CYP3A43: variants seen among roughly 807,000 people sequenced by gnomAD.
The protein encoded by CYP3A43 is cytochrome P450 family 3 subfamily A member 43.
In CYP3A43, 45 loss-of-function variants were observed where a neutral mutation model predicts 58.0. That is an observed-to-expected ratio of 0.78 (90% CI 0.61 to 0.99). CYP3A43 has a LOEUF of 0.99. Ranked by LOEUF, CYP3A43 falls within the 50% of genes least tolerant of loss-of-function variation. The probability of loss-of-function intolerance (pLI) is 0.00; values close to 1 mark genes in which losing one functional copy is unlikely to be tolerated. For missense variants in CYP3A43, 593 were observed against 591.9 expected (o/e 1.00, Z -0.02); for synonymous variants, 191 against 201.4 (o/e 0.95, Z 0.44).
At chr7:99,854,886 C>CT (rs922992515) in intron 7 of CYP3A43, among the ~76,000 whole-genome samples, 55 of 147,774 alleles carry the variant, frequency 3.7e-4, no homozygotes, top group African/African-American at 7.2e-4. Flanking sequence ...CTCTCTCTCT[C>CT]TTTTTTTTTT....
intron 1 of CYP3A43, among the ~76,000 whole-genome samples, chr7:99,831,153 C>CTA: frequency 6.6e-6 from 1 of 152,332 alleles, no homozygotes; most frequent in Middle Eastern, 3.4e-3. Flanking sequence ...GGGAACCAAG[C>CTA]TAACAGCTGG....
intron 12 of CYP3A43, among the ~76,000 whole-genome samples, chr7:99,863,995 TGAG>T (rs927696429): frequency 6.7e-6 from 1 of 148,666 alleles, no homozygotes; most frequent in Non-Finnish European, 1.5e-5. Context: ...ACTGTAAAGA[TGAG>T]GAAGTCTTTT....
At chr7:99,838,869 A>G (rs750214466) in intron 2 of CYP3A43, 155 of 544,624 alleles carry the variant, frequency 2.8e-4, no homozygotes, top group Non-Finnish European at 3.6e-4. Context: ...AATCCCAGCT[A>G]CTTGGGAGGC....
At chr7:99,829,443 A>G (rs1372987516) in intron 1 of CYP3A43, among the ~76,000 whole-genome samples, 1 of 152,194 alleles carries the variant, frequency 6.6e-6, no homozygotes, top group Admixed American at 6.5e-5. Flanking sequence ...TTTAAGAAAT[A>G]CATTGGTTTG....
At chr7:99,832,855 G>A (rs1816904615) in intron 1 of CYP3A43, among the ~76,000 whole-genome samples, 1 of 152,088 alleles carries the variant, frequency 6.6e-6, no homozygotes, top group South Asian at 2.1e-4. Context: ...CCCAGCCATG[G>A]AGAACTGTGA....
chr7:99,863,372 A>T (rs1329283638), intron 11 of CYP3A43, among the ~76,000 whole-genome samples, 165 bp from the exon 12 acceptor site: 1 of 152,222 alleles, frequency 6.6e-6, no homozygotes, highest in African/African-American at 2.4e-5. Context: ...TAACCTTCAA[A>T]AATTGTATAG....
rs1817584643 is a variant in CYP3A43, at chr7:99,847,589, A to G, written c.420A>G (p.Val140=). The G allele has an allele frequency of 1.2e-6, 2 of 1,613,816 alleles. No individual in the cohort carries two copies. Among genetic ancestry groups the G allele is most frequent in the Non-Finnish European group, 8.5e-7 (1 of 1,179,892 alleles). ...RTLLSPAFTS[V]KFKEMVPIIS... ...TGCTATCTCCAGCTTTCACCAGTGT[A>G]AAATTCAAGGAAGTAAGAAAATAAG... The change falls in exon 5 of 13, where the codon GTA becomes GTG. Residue 140 remains valine (V), a synonymous_variant. Transcript: ENST00000354829.
intron 9 of CYP3A43, 128 bp downstream of exon 9, chr7:99,857,027 G>T: frequency 1.7e-6 from 2 of 1,155,158 alleles, no homozygotes; most frequent in South Asian, 3.1e-5. Context: ...GCACACATTT[G>T]GATGTTATAA....
intron 3 of CYP3A43, 44 bp downstream of exon 3, chr7:99,839,216 C>T (rs1713403698): frequency 6.2e-7 from 1 of 1,608,098 alleles, no homozygotes; most frequent in African/African-American, 1.3e-5. Context: ...TGTTGCTATG[C>T]TGAGTTATTT....
chr7:99,861,543 G>C, intron 10 of CYP3A43, 70 bp from the exon 11 acceptor site: 1 of 1,338,362 alleles, frequency 7.5e-7, no homozygotes, highest in Non-Finnish European at 1.1e-6. Context: ...CACTTCAATA[G>C]TACTGCATGG....
intron 7 of CYP3A43, among the ~76,000 whole-genome samples, chr7:99,853,880 C>T (rs1164642182): frequency 6.9e-6 from 1 of 145,146 alleles, no homozygotes. Flanking sequence ...TTATTTTTAA[C>T]TTTTGTGGAT....
At chr7:99,863,498 G>A (rs1818322531) in intron 11 of CYP3A43, 39 bp from the exon 12 acceptor site, 1 of 1,529,114 alleles carries the variant, frequency 6.5e-7, no homozygotes, top group Non-Finnish European at 8.8e-7. Flanking sequence ...TAGTTTTTAT[G>A]TTTCATTAAC....
At chr7:99,841,150 G>A (rs1481227245) in intron 3 of CYP3A43, among the ~76,000 whole-genome samples, 1 of 152,122 alleles carries the variant, frequency 6.6e-6, no homozygotes, top group Non-Finnish European at 1.5e-5. Flanking sequence ...TTGGAATTTG[G>A]TAGCTGAGGG....
At position 99,859,982 on chromosome 7, in the gene CYP3A43, C is replaced by G. The variant is rs680055; in HGVS notation, c.1018C>G (p.Pro340Ala). ...GCAGGAGGAGATTGACGCAGTTTTA[C>G]CCAATAAGGTAAGGGGATGATCCCC... is the stretch of plus-strand genomic sequence containing the variant. ...KLQEEIDAVL[P>A]NKAPVTYDAL... Residue 340 changes from proline (P) to alanine (A), a missense_variant, in exon 10 of 13, where the codon CCC (proline) becomes GCC (alanine). Coordinates refer to ENST00000354829, the MANE Select transcript of CYP3A43 (RefSeq NM_057095.3). 105,720 of 1,601,740 alleles carry G rather than the reference C, an allele frequency of 0.066. 6,316 individuals are homozygous for G. Among genetic ancestry groups the G allele is most frequent in the African/African-American group, 0.32 (23,581 of 74,602 alleles).
chr7:99,828,060 G>A lies in CYP3A43; in HGVS notation c.-56G>A, dbSNP rs1309263844. The A allele has an allele frequency of 1.4e-6, 2 of 1,472,608 alleles. No individual in the cohort carries two copies. Among genetic ancestry groups the A allele is most frequent in the Non-Finnish European group, 1.9e-6 (2 of 1,055,944 alleles). The allele number at this position is 1,472,608 out of a possible 1,614,324, so 91.2% of individuals were successfully genotyped here. ...CTCTATATGCACAGCCCAGCAAAGA[G>A]CAGCACACAGCTGAAAGAAAAACTC... On this transcript the variant is annotated 5_prime_UTR_variant, in exon 1 of 13. Transcript: ENST00000354829.
chr7:99,844,075 C>A (rs1817446052), intron 3 of CYP3A43, 68 bp from the exon 4 acceptor site: 3 of 1,269,900 alleles, frequency 2.4e-6, no homozygotes, highest in East Asian at 4.7e-5. Flanking sequence ...AATCTGGATT[C>A]TTTGGTGTGG....
intron 1 of CYP3A43, among the ~76,000 whole-genome samples, chr7:99,828,450 C>T (rs1320711095): frequency 1.1e-4 from 17 of 152,204 alleles, no homozygotes; most frequent in Admixed American, 9.8e-4. Flanking sequence ...ATCACAAGGT[C>T]AGGAGTTCAA....
Position 99,848,230 on chromosome 7 carries a change from A to G in CYP3A43, c.497A>G (p.Asn166Ser). 6.2e-7 allele frequency: 1 copy of G among 1,614,126 alleles called. No individual in the cohort carries two copies. Among genetic ancestry groups the G allele is most frequent in the Non-Finnish European group, 8.5e-7 (1 of 1,180,004 alleles). Residue 166 changes from asparagine (N) to serine (S), a missense_variant, in exon 6 of 13, where the codon AAC (asparagine) becomes AGC (serine). Physicochemically the swap from Asn to Ser is conservative, Grantham distance 46. Coordinates refer to ENST00000354829, the MANE Select transcript of CYP3A43 (RefSeq NM_057095.3). ...AGAAGCCTGAGGCAGGAAGCAGAGA[A>G]CAGCAAGTCCATCAACTTGAAAGAG... Reference protein sequence around the residue: ...LVRSLRQEAENSKSINLKDFF... With the variant: ...LVRSLRQEAESSKSINLKDFF...
chr7:99,831,242 G>C (rs1816832138), intron 1 of CYP3A43, among the ~76,000 whole-genome samples: 1 of 152,112 alleles, frequency 6.6e-6, no homozygotes, highest in Admixed American at 6.5e-5. Context: ...CATTTTATAA[G>C]ATTTATTTAT....
Sources: gnomAD v4.1 joint callset for allele counts (sites outside exome capture counted in the v4.1 genomes callset) on GRCh38, gnomAD v4.1.1 for gene constraint, MANE v1.5 for transcripts, NCBI Gene and HGNC (gene_info 2026-07-23, HGNC 2026-07-21) for gene names.